Variants in HIF3A observed in about 807,000 individuals in gnomAD.
HIF3A encodes hypoxia inducible factor 3 subunit alpha.
HIF3A carries 41 observed loss-of-function variants against 67.2 expected under a neutral mutation model. The ratio of observed to expected loss-of-function variants is 0.61; its 90% confidence interval spans 0.48 to 0.79. The LOEUF is 0.79. Among genes scored for constraint, HIF3A ranks in the 30% least tolerant of loss-of-function variants. HIF3A has a pLI of 0.00. For synonymous variants in HIF3A, 356 were observed against 374.8 expected (o/e 0.95, Z 0.58); for missense variants, 855 against 898.0 (o/e 0.95, Z 0.61).
chr19:46,318,513 C>T (rs1323959444), intron 8 of HIF3A, among the ~76,000 whole-genome samples: 1 of 133,364 alleles, frequency 7.5e-6, no homozygotes, highest in African/African-American at 2.9e-5. Context: ...CGCACCACTG[C>T]ACTCCAGCCT....
chr19:46,319,844 G>A (rs1260972076), intron 8 of HIF3A, among the ~76,000 whole-genome samples: 1 of 151,938 alleles, frequency 6.6e-6, no homozygotes, highest in Non-Finnish European at 1.5e-5. Flanking sequence ...CCTCCTCTCT[G>A]CCCAGGCTGT....
intron 1 of HIF3A, among the ~76,000 whole-genome samples, chr19:46,298,888 GC>G (rs60593560): frequency 0.21 from 31,850 of 150,726 alleles, 3,868 homozygotes; most frequent in East Asian, 0.49. Context: ...TTCGTAAGAC[GC>G]CCCCCCCCAA....
chr19:46,305,020 C>T (rs1968707693), intron 2 of HIF3A: 1 of 674,910 alleles, frequency 1.5e-6, no homozygotes, highest in East Asian at 2.9e-5. Context: ...CTCCTACTTC[C>T]TTAGAATTCT....
At chr19:46,330,493 T>G (rs1282695965) in intron 12 of HIF3A, among the ~76,000 whole-genome samples, 4 of 141,932 alleles carry the variant, frequency 2.8e-5, no homozygotes, top group Admixed American at 6.8e-5. Context: ...GATGGAGGGA[T>G]GGATGGATGG....
chr19:46,299,444 G>A (rs1256082909), intron 1 of HIF3A, among the ~76,000 whole-genome samples: 1 of 152,226 alleles, frequency 6.6e-6, no homozygotes. Flanking sequence ...GGCAGGCCGG[G>A]TGCGGTGGCT....
At chr19:46,321,257 C>T (rs758552903) in intron 9 of HIF3A, among the ~76,000 whole-genome samples, 1 of 152,146 alleles carries the variant, frequency 6.6e-6, no homozygotes, top group Non-Finnish European at 1.5e-5. Context: ...TCCCCTCGGA[C>T]CTTTCAGAGC....
intron 6 of HIF3A, among the ~76,000 whole-genome samples, chr19:46,310,997 C>T (rs1340191728): frequency 3.3e-5 from 5 of 152,162 alleles, no homozygotes; most frequent in East Asian, 1.9e-4. Context: ...GTGATCGGCC[C>T]GCCTCGGCCT....
intron 2 of HIF3A, 196 bp downstream of exon 2, chr19:46,304,284 C>T (rs951222538): frequency 1.2e-5 from 7 of 597,192 alleles, no homozygotes; most frequent in African/African-American, 5.6e-5. Context: ...AGTTCCTGGC[C>T]TGCTGGGAGT....
chr19:46,299,225 C>G (rs916875672), intron 1 of HIF3A, among the ~76,000 whole-genome samples: 2 of 152,186 alleles, frequency 1.3e-5, no homozygotes, highest in African/African-American at 4.8e-5. Context: ...CTGGGGCGAT[C>G]TGGAGGCAGC....
chr19:46,329,339 C>T lies in HIF3A; in HGVS notation c.1573C>T (p.Arg525Trp), dbSNP rs148799051. ...PLGAVPRPRA[R>W]SFHGLSPPAL... The stretch of plus-strand genomic sequence containing the variant: ...GGGGGCTGTCCCCCGGCCCCGTGCT[C>T]GGAGCTTCCATGGCCTGTCACCTCC... The change falls in exon 12 of 15, where the codon CGG becomes TGG. Residue 525 changes from arginine (R) to tryptophan (W), a missense_variant. Physicochemically the swap from Arg to Trp is moderately radical, Grantham distance 101 (BLOSUM62 -3). This residue lies in a region of HIF3A where 199 missense variants were observed against 193.8 expected (regional missense o/e 1.03). Coordinates refer to ENST00000377670, the MANE Select transcript of HIF3A (RefSeq NM_152795.4). 77 of 1,613,148 alleles carry T rather than the reference C, an allele frequency of 4.8e-5. 2 individuals carry two copies. Among genetic ancestry groups the T allele is most frequent in the Middle Eastern group, 1.6e-4 (1 of 6,080 alleles).
chr19:46,328,299 A>C (rs1488273339), intron 11 of HIF3A, among the ~76,000 whole-genome samples: 2 of 152,252 alleles, frequency 1.3e-5, no homozygotes, highest in Non-Finnish European at 2.9e-5. Flanking sequence ...TTAGAGGTTA[A>C]CTTCCAGGAG....
chr19:46,333,012 A>C (rs79628663), intron 13 of HIF3A, among the ~76,000 whole-genome samples: 17,315 of 150,890 alleles, frequency 0.11, 1,234 homozygotes, highest in African/African-American at 0.19. Context: ...CTCTCTCTAT[A>C]TATATATATG....
intron 1 of HIF3A, among the ~76,000 whole-genome samples, chr19:46,299,970 G>A (rs1251307159): frequency 2.0e-5 from 3 of 152,184 alleles, no homozygotes; most frequent in Non-Finnish European, 4.4e-5. Context: ...AATGGGGAAA[G>A]TCATTGCAGG....
In HIF3A at chr19:46,317,591, C is replaced by T. The variant is rs368932630; in HGVS notation, c.1026-2852C>T. Reference sequence around the variant, plus strand: ...TCCTTTCTCCTGAGTCATGCCCGCTCATCCTTCCAGTCTCAGCTCAGACAT... The same window carrying T: ...TCCTTTCTCCTGAGTCATGCCCGCTTATCCTTCCAGTCTCAGCTCAGACAT... On this transcript the variant is annotated intron_variant, in intron 8 of 14. Coordinates refer to ENST00000377670, the MANE Select transcript of HIF3A (RefSeq NM_152795.4). 6.6e-5 allele frequency among the ~76,000 whole-genome samples: 10 copies of T among 152,068 alleles called. No homozygotes were observed. In the East Asian group the frequency reaches 1.5e-3, roughly 23 times the overall value.
Position 46,297,865 on chromosome 19 carries a change from A to T in HIF3A, c.26+763A>T, listed in dbSNP as rs1165897822. ...CCTGAGAGACAGGGGAGCCTCATCCAAGCTTTATTTTGGGGAGACTCCATG... is the reference window on the plus strand; with the variant it reads ...CCTGAGAGACAGGGGAGCCTCATCCTAGCTTTATTTTGGGGAGACTCCATG... On this transcript the variant is annotated intron_variant, in intron 1 of 14. Coordinates refer to ENST00000377670, the MANE Select transcript of HIF3A (RefSeq NM_152795.4). This position sits in a 1 kb window ranked among gnomAD's most constrained non-coding sequence, Gnocchi z 4.5. Among the ~76,000 whole-genome samples the T allele has an allele frequency of 4.0e-5, 6 of 151,866 alleles. No individual in the cohort carries two copies. Among genetic ancestry groups the T allele is most frequent in the Non-Finnish European group, 7.4e-5 (5 of 67,908 alleles).
chr19:46,309,705 G>A (rs1354225482), intron 6 of HIF3A, among the ~76,000 whole-genome samples: 2 of 151,878 alleles, frequency 1.3e-5, no homozygotes, highest in Non-Finnish European at 2.9e-5. Flanking sequence ...CTTTCTCTTA[G>A]TGTTTGTCTC....
At chr19:46,318,683 T>G (rs749448072) in intron 8 of HIF3A, among the ~76,000 whole-genome samples, 1 of 151,576 alleles carries the variant, frequency 6.6e-6, no homozygotes, top group Admixed American at 6.6e-5. Flanking sequence ...TGCAGTGGCG[T>G]GATCTCGGCT....
intron 6 of HIF3A, among the ~76,000 whole-genome samples, chr19:46,309,583 C>T (rs939488722): frequency 6.6e-6 from 1 of 152,044 alleles, no homozygotes; most frequent in South Asian, 2.1e-4. Context: ...TGCTCTCAAA[C>T]TCCTGGGCTC....
chr19:46,329,995 G>GAA (rs972082810), intron 12 of HIF3A, among the ~76,000 whole-genome samples: 6 of 140,808 alleles, frequency 4.3e-5, no homozygotes, highest in African/African-American at 1.6e-4. Flanking sequence ...GAGAGAGAGA[G>GAA]AGTGAAGAGA....
Sources: gnomAD v4.1 joint callset for allele counts (sites outside exome capture counted in the v4.1 genomes callset) on GRCh38, gnomAD v4.1.1 for gene constraint, gnomAD v4.1.1 regional missense constraint, Gnocchi (gnomAD v3.1) non-coding constraint, MANE v1.5 for transcripts, NCBI Gene and HGNC (gene_info 2026-07-23, HGNC 2026-07-21) for gene names.